NFATC2: variants seen among roughly 807,000 people sequenced by gnomAD.
NFATC2 encodes nuclear factor of activated T cells 2, also known as nuclear factor of activated T-cells, cytoplasmic 2.
A neutral mutation model predicts 87.3 loss-of-function variants in NFATC2; 22 were observed. The observed-to-expected ratio is 0.25, with a 90% CI of 0.18 to 0.36. The LOEUF (loss-of-function observed/expected upper bound fraction) is 0.36. NFATC2 is among the 10% of genes least tolerant of loss of function. The pLI is 1.00. For missense variants in NFATC2, 1,149 were observed against 1,259.1 expected, an observed-to-expected ratio of 0.91 and a Z score of 1.32; for synonymous variants, 565 against 542.2, an observed-to-expected ratio of 1.04 and a Z score of -0.58.
rs558205418 is a variant in NFATC2 at position 51,504,602 on chromosome 20, A to G, written c.1332+12182T>C. On this transcript the variant is annotated intron_variant, in intron 3 of 10. Coordinates refer to ENST00000371564, the MANE Select transcript of NFATC2 (RefSeq NM_012340.5). Reference sequence around the variant, plus strand: ...CAAAAACCTATTGAAATAGACAAAAACAAACAAACAAAATGATTTCCATTT... The same window carrying G: ...CAAAAACCTATTGAAATAGACAAAAGCAAACAAACAAAATGATTTCCATTT... 1.4e-4 allele frequency among the ~76,000 whole-genome samples: 21 copies of G among 152,362 alleles called. 1 individual carries two copies. The South Asian group carries it at 3.1e-3, about 23-fold the overall frequency.
At chr20:51,493,652 C>T (rs184301256) in intron 3 of NFATC2, among the ~76,000 whole-genome samples, 5 of 152,290 alleles carry the variant, frequency 3.3e-5, no homozygotes, top group African/African-American at 9.6e-5. Flanking sequence ...TTCAACGTCA[C>T]CGCAGGGAAA....
chr20:51,438,331 T>G (rs560366046), intron 6 of NFATC2, among the ~76,000 whole-genome samples: 1 of 151,842 alleles, frequency 6.6e-6, no homozygotes, highest in East Asian at 1.9e-4. Flanking sequence ...AATGGCAACA[T>G]GTTGATGTTT....
At chr20:51,491,981 A>C (rs2075898238) in intron 3 of NFATC2, among the ~76,000 whole-genome samples, 1 of 151,084 alleles carries the variant, frequency 6.6e-6, no homozygotes, top group African/African-American at 2.4e-5. Flanking sequence ...TCTGGCCTGC[A>C]CACACATACC....
intron 9 of NFATC2, among the ~76,000 whole-genome samples, chr20:51,413,310 C>A (rs937973008): frequency 2.5e-4 from 38 of 152,170 alleles, no homozygotes; most frequent in Non-Finnish European, 4.4e-4. Context: ...GGTTCCAAAG[C>A]CATCCTGCTG....
intron 3 of NFATC2, among the ~76,000 whole-genome samples, chr20:51,491,000 C>G (rs2075872856): frequency 6.6e-6 from 1 of 152,098 alleles, no homozygotes; most frequent in Non-Finnish European, 1.5e-5. Flanking sequence ...AAGAAAACCA[C>G]CCAGGTCAGT....
At chr20:51,522,875 G>T (rs1014075536) in intron 2 of NFATC2, among the ~76,000 whole-genome samples, 1 of 152,132 alleles carries the variant, frequency 6.6e-6, no homozygotes, top group African/African-American at 2.4e-5. Flanking sequence ...TCAGGTACAC[G>T]AATTATACCC....
Position 51,432,854 on chromosome 20 carries a change from G to A in NFATC2, c.2033-98C>T, listed in dbSNP as rs1982979867. On this transcript the variant is annotated intron_variant, in intron 8 of 10. Coordinates refer to ENST00000371564, the MANE Select transcript of NFATC2 (RefSeq NM_012340.5). The surrounding 1 kb of genome is among the most constrained non-coding windows in gnomAD (Gnocchi z 4.6). Reference sequence around the variant, plus strand: ...GGTGCTTGAGAACATGGCCTTGGGAGTCCATACGGGTGGGACAAACAGCTG... The same window carrying A: ...GGTGCTTGAGAACATGGCCTTGGGAATCCATACGGGTGGGACAAACAGCTG... 1.9e-6 allele frequency: 2 copies of A among 1,072,774 alleles called. No individual in the cohort carries two copies. The highest frequency in any genetic ancestry group is 2.5e-6 in the Non-Finnish European group (2 of 791,688). The allele number at this position is 1,072,774 out of a possible 1,614,324, so 66.5% of individuals were successfully genotyped here. A position where few individuals can be genotyped will look rare whatever the true frequency, so the allele number is the denominator to read the frequency against.
At chr20:51,431,176 T>G (rs971157990) in intron 9 of NFATC2, among the ~76,000 whole-genome samples, 1 of 152,036 alleles carries the variant, frequency 6.6e-6, no homozygotes, top group South Asian at 2.1e-4. Flanking sequence ...CACAAAAAAT[T>G]TTAAAAGAAA....
chr20:51,524,200 G>A lies in NFATC2; in HGVS notation c.131-90C>T. 4 of 1,226,878 alleles carry A rather than the reference G, an allele frequency of 3.3e-6. No individual in the cohort carries two copies. The highest frequency in any genetic ancestry group is 2.5e-5 in the South Asian group (1 of 39,854). 76.0% of individuals were successfully genotyped at this position (1,226,878 alleles called of 1,614,324 possible). A position where few individuals can be genotyped will look rare whatever the true frequency, so the allele number is the denominator to read the frequency against. ...AATCACAGGCTGGATTTCGTCTCAC[G>A]TCGTTTATTTTTTTCAAATTCCCAC... On this transcript the variant is annotated intron_variant, in intron 1 of 10. Transcript: ENST00000371564. This position sits in a 1 kb window ranked among gnomAD's most constrained non-coding sequence, Gnocchi z 4.0.
At position 51,516,243 on chromosome 20, in the gene NFATC2, A is replaced by G. The variant is rs576675874; in HGVS notation, c.1332+541T>C. On this transcript the variant is annotated intron_variant, in intron 3 of 10. Coordinates refer to ENST00000371564, the MANE Select transcript of NFATC2 (RefSeq NM_012340.5). The stretch of plus-strand genomic sequence containing the variant: ...TGGCAAAATGTAAACTTAAAAAATC[A>G]GAGTACAATCTACATGTTCACTATA... Among the ~76,000 whole-genome samples the G allele has an allele frequency of 1.2e-4, 18 of 152,376 alleles. No individual in the cohort carries two copies. The South Asian group carries it at 3.7e-3, about 32-fold the overall frequency.
intron 9 of NFATC2, 189 bp from the exon 10 acceptor site, chr20:51,398,919 A>ATCATGGAGATGAGGGAC (rs1987660170): frequency 1.7e-6 from 1 of 578,206 alleles, no homozygotes; most frequent in African/African-American, 1.9e-5. Context: ...TAGGGTAATA[A>ATCATGGAGATGAGGGAC]TCATGGAGAT....
rs371156360 is a variant in NFATC2, at chr20:51,397,907, T to C, written c.*44+736A>G. Among the ~76,000 whole-genome samples, 4 of 152,178 alleles carry C rather than the reference T, an allele frequency of 2.6e-5. No individual in the cohort carries two copies. In the East Asian group the frequency reaches 7.8e-4, roughly 30 times the overall value. ...TCTAAGAAGCTGAGGCACAGAGAGGTAATGCAACCTTCCTTCCTCAATGTC... is the reference window on the plus strand; with the variant it reads ...TCTAAGAAGCTGAGGCACAGAGAGGCAATGCAACCTTCCTTCCTCAATGTC... On this transcript the variant is annotated intron_variant, in intron 10 of 10. Transcript: ENST00000371564.
intron 1 of NFATC2, among the ~76,000 whole-genome samples, chr20:51,558,485 G>T (rs77971457): frequency 0.089 from 13,014 of 146,022 alleles, 664 homozygotes; most frequent in Non-Finnish European, 0.12. Flanking sequence ...TGGTTTTTTT[G>T]GGGGGGGGCG....
intron 3 of NFATC2, among the ~76,000 whole-genome samples, chr20:51,484,256 T>A (rs995566317): frequency 1.4e-4 from 21 of 152,074 alleles, no homozygotes; most frequent in Admixed American, 2.0e-4. Context: ...CACCCCACTC[T>A]TCATTGGAAC....
chr20:51,509,377 T>C (rs142539002), intron 3 of NFATC2, among the ~76,000 whole-genome samples: 108 of 152,272 alleles, frequency 7.1e-4, no homozygotes, highest in African/African-American at 2.6e-3. Flanking sequence ...CACTGCCATA[T>C]TCCCAGTGCC....
In NFATC2 at chr20:51,474,074, C is replaced by T. The variant is rs1196457767; in HGVS notation, c.1614G>A (p.Lys538=). ...LRKGETDIGR[K]NTRVRLVFRV... is the part of the protein sequence containing the mutation. The stretch of plus-strand genomic sequence containing the variant: ...GGAAAACCAGTCTCACCCGCGTGTT[C>T]TTTCTTCCAATGTCCGTCTCGCCTT... The change falls in exon 5 of 11, where the codon AAG becomes AAA. Residue 538 remains lysine, a synonymous_variant. Coordinates refer to ENST00000371564, the MANE Select transcript of NFATC2 (RefSeq NM_012340.5). The T allele has an allele frequency of 3.1e-6, 5 of 1,614,130 alleles. No homozygotes were observed. The highest frequency in any genetic ancestry group is 1.7e-5 in the Admixed American group (1 of 60,010).
intron 7 of NFATC2, among the ~76,000 whole-genome samples, 176 bp from the exon 8 acceptor site, chr20:51,435,490 T>C (rs1983429024): frequency 6.6e-6 from 1 of 152,140 alleles, no homozygotes; most frequent in Non-Finnish European, 1.5e-5. Flanking sequence ...CAAAAAATAA[T>C]ACTCCATCAA....
At chr20:51,539,275 G>A (rs1244754597) in intron 1 of NFATC2, among the ~76,000 whole-genome samples, 1 of 152,154 alleles carries the variant, frequency 6.6e-6, no homozygotes, top group African/African-American at 2.4e-5. Flanking sequence ...CAGAGTTAAG[G>A]ATAGAACTTT....
At chr20:51,546,481 T>C (rs949199461), upstream of NFATC2, among the ~76,000 whole-genome samples, 1 of 152,136 alleles carries the variant, frequency 6.6e-6, no homozygotes, top group Non-Finnish European at 1.5e-5. Context: ...GGTGGAGGGA[T>C]GGAGGTGGGA....
Sources: allele counts gnomAD v4.1 joint callset (sites outside exome capture counted in the v4.1 genomes callset), GRCh38; gene constraint gnomAD v4.1.1; non-coding constraint Gnocchi (gnomAD v3.1); transcripts MANE v1.5; gene names NCBI Gene and HGNC (gene_info 2026-07-23, HGNC 2026-07-21).